The following ASZ1 variants were observed in gnomAD, a reference collection of about 807,000 sequenced individuals.
The protein encoded by ASZ1 is ankyrin repeat, SAM and basic leucine zipper domain containing 1, also known as ankyrin repeat, SAM and basic leucine zipper domain-containing protein 1.
Under a neutral mutation model 61.8 loss-of-function variants are expected in ASZ1, and 67 were observed. That is an observed-to-expected ratio of 1.08 (90% CI 0.89 to 1.33). The LOEUF is 1.33. Ranked by LOEUF, ASZ1 falls within the 40% of genes most tolerant of loss-of-function variation. The probability of loss-of-function intolerance (pLI) is 0.00; values close to 1 mark genes in which losing one functional copy is unlikely to be tolerated. For synonymous variants in ASZ1, 193 were observed against 192.7 expected (o/e 1.00, Z -0.01); for missense variants, 577 against 554.5 (o/e 1.04, Z -0.41).
chr7:117,387,144 TAAAAAAAA>T (rs577384608), intron 4 of ASZ1, among the ~76,000 whole-genome samples: 1 of 121,810 alleles, frequency 8.2e-6, no homozygotes, highest in Non-Finnish European at 1.7e-5. Flanking sequence ...TACCTCTACT[TAAAAAAAA>T]AAAAAAAAAA....
At chr7:117,370,469 T>C (rs954238562) in intron 10 of ASZ1, among the ~76,000 whole-genome samples, 1 of 152,160 alleles carries the variant, frequency 6.6e-6, no homozygotes, top group South Asian at 2.1e-4. Context: ...AGTATACTGA[T>C]TTTGGCAATG....
At chr7:117,417,933 T>C (rs1267170604) in intron 4 of ASZ1, among the ~76,000 whole-genome samples, 1 of 152,256 alleles carries the variant, frequency 6.6e-6, no homozygotes, top group Non-Finnish European at 1.5e-5. Context: ...TATAGTGTCA[T>C]TGCCTTATAG....
intron 4 of ASZ1, among the ~76,000 whole-genome samples, chr7:117,402,939 C>T (rs572990997): frequency 2.5e-4 from 28 of 112,964 alleles, no homozygotes; most frequent in Non-Finnish European, 4.8e-4. Flanking sequence ...GGTGGGGCTG[C>T]AGTTTGTGAG....
At chr7:117,387,177 T>C (rs1584726529) in intron 4 of ASZ1, among the ~76,000 whole-genome samples, 1 of 148,300 alleles carries the variant, frequency 6.7e-6, no homozygotes, top group Non-Finnish European at 1.5e-5. Flanking sequence ...TAGCTGGATG[T>C]GGTCTGCACA....
At chr7:117,367,102 T>C (rs543975236) in intron 12 of ASZ1, among the ~76,000 whole-genome samples, 1 of 152,276 alleles carries the variant, frequency 6.6e-6, no homozygotes, top group Admixed American at 6.5e-5. Flanking sequence ...TAAGTAGAAA[T>C]TGGTAGTGAT....
intron 2 of ASZ1, 29 bp from the exon 3 acceptor site, chr7:117,422,388 G>T (rs201885808): frequency 1.1e-4 from 173 of 1,605,908 alleles, no homozygotes; most frequent in Non-Finnish European, 1.4e-4. Flanking sequence ...GCTTTTAAAA[G>T]CACACTACCA....
Position 117,363,584 on chromosome 7 carries a change from C to T in ASZ1, c.*12G>A. ...TAAGATGTGTATATATAACTTAAAA[C>T]AAATATTTGGATTATTTCCTCTGGA... is the stretch of plus-strand genomic sequence containing the variant. On this transcript the variant is annotated 3_prime_UTR_variant, in exon 13 of 13. Coordinates refer to ENST00000284629, the MANE Select transcript of ASZ1 (RefSeq NM_130768.3). 1.3e-6 allele frequency: 2 copies of T among 1,583,432 alleles called. No homozygotes were observed. Among genetic ancestry groups the T allele is most frequent in the Middle Eastern group, 1.7e-4 (1 of 5,762 alleles).
rs1304576522 is a variant in ASZ1 at position 117,427,429 on chromosome 7, A to C, written c.32T>G (p.Val11Gly). Reference sequence around the variant, plus strand: ...CTCGCTACTCTCGCCTCCGCCAGCCACTGGCAGGCCTCGCAGCGCGCTCGC... The same window carrying C: ...CTCGCTACTCTCGCCTCCGCCAGCCCCTGGCAGGCCTCGCAGCGCGCTCGC... MAASALRGLPVAGGGESSESE... is the reference protein window; with the variant it reads MAASALRGLPGAGGGESSESE... The change falls in exon 1 of 13, where the codon GTG becomes GGG. Residue 11 changes from valine to glycine, a missense_variant. Val to Gly is a moderately radical substitution (Grantham distance 109). Transcript: ENST00000284629. 3.7e-6 allele frequency: 6 copies of C among 1,613,954 alleles called. No homozygotes were observed. The highest frequency in any genetic ancestry group is 1.7e-5 in the Admixed American group (1 of 60,006).
At chr7:117,421,793 T>C (rs1797104402) in intron 3 of ASZ1, among the ~76,000 whole-genome samples, 2 of 152,186 alleles carry the variant, frequency 1.3e-5, no homozygotes. Context: ...CTTGTTCTTC[T>C]TACACTCAAA....
In ASZ1 at chr7:117,384,744, T is replaced by G. The variant is rs1796315258; in HGVS notation, c.669A>C (p.Lys223Asn). Residue 223 changes from lysine (K) to asparagine (N), a missense_variant, in exon 6 of 13, where the codon AAA becomes AAC. Physicochemically the swap from Lys to Asn is moderately conservative, Grantham distance 94 (BLOSUM62 0). Transcript: ENST00000284629. ...AGGATACCTCATGATGTTTGTTTCT[T>G]TTTGCAATCTCACTTGGCATCTTTC... ...KDGKMPSEIA[K>N]RNKHHEIFNL... 1 of 1,612,210 alleles carries G rather than the reference T, an allele frequency of 6.2e-7. No homozygotes were observed. Among genetic ancestry groups the G allele is most frequent in the African/African-American group, 1.3e-5 (1 of 74,784 alleles).
intron 4 of ASZ1, among the ~76,000 whole-genome samples, chr7:117,402,130 GTTAA>G (rs996164712): frequency 6.6e-6 from 1 of 152,148 alleles, no homozygotes; most frequent in Non-Finnish European, 1.5e-5. Context: ...GCACTTGAGA[GTTAA>G]TTAAACCTGG....
intron 7 of ASZ1, among the ~76,000 whole-genome samples, chr7:117,382,559 A>C (rs1796275668): frequency 1.3e-5 from 2 of 152,126 alleles, no homozygotes; most frequent in African/African-American, 4.8e-5. Context: ...AATAAGTAAA[A>C]TTTAAGTAAC....
chr7:117,369,775 G>A (rs1008217899), intron 10 of ASZ1, among the ~76,000 whole-genome samples: 1 of 152,192 alleles, frequency 6.6e-6, no homozygotes, highest in Non-Finnish European at 1.5e-5. Flanking sequence ...GTGGTGCATG[G>A]TGGGGAAAAC....
At chr7:117,418,114 A>G (rs1372863850) in intron 4 of ASZ1, among the ~76,000 whole-genome samples, 1 of 152,194 alleles carries the variant, frequency 6.6e-6, no homozygotes, top group African/African-American at 2.4e-5. Flanking sequence ...ATTTTAGGTG[A>G]TTAGGAGGGT....
At chr7:117,382,324 T>C (rs777040773) in intron 7 of ASZ1, among the ~76,000 whole-genome samples, 180 bp from the exon 8 acceptor site, 1 of 152,124 alleles carries the variant, frequency 6.6e-6, no homozygotes, top group Non-Finnish European at 1.5e-5. Flanking sequence ...ACTGAAGATA[T>C]ATGAGGAGTA....
chr7:117,382,854 C>A, intron 7 of ASZ1, 132 bp downstream of exon 7: 1 of 1,041,686 alleles, frequency 9.6e-7, no homozygotes, highest in Non-Finnish European at 1.2e-6. Flanking sequence ...ACACTAAAAA[C>A]CCAGACATTT....
intron 4 of ASZ1, among the ~76,000 whole-genome samples, chr7:117,414,768 A>C (rs772117412): frequency 1.3e-5 from 2 of 152,112 alleles, no homozygotes; most frequent in Non-Finnish European, 2.9e-5. Flanking sequence ...TTTGCTGAGA[A>C]TGATGGTTTC....
intron 4 of ASZ1, among the ~76,000 whole-genome samples, chr7:117,406,050 T>C (rs1182585962): frequency 6.6e-6 from 1 of 152,024 alleles, no homozygotes; most frequent in African/African-American, 2.4e-5. Context: ...AGCTCAGAAC[T>C]CCAAACACAT....
chr7:117,410,911 T>A (rs1157219487), intron 4 of ASZ1, among the ~76,000 whole-genome samples: 1 of 151,762 alleles, frequency 6.6e-6, no homozygotes, highest in Non-Finnish European at 1.5e-5. Context: ...GTGTATAATT[T>A]ATTATACACT....
Sources: gnomAD v4.1 joint callset for allele counts (sites outside exome capture counted in the v4.1 genomes callset) on GRCh38, gnomAD v4.1.1 for gene constraint, MANE v1.5 for transcripts, NCBI Gene and HGNC (gene_info 2026-07-23, HGNC 2026-07-21) for gene names.